The following ASNS variants were observed in gnomAD, a reference collection of about 807,000 sequenced individuals.
The protein encoded by ASNS is asparagine synthetase [glutamine-hydrolyzing].
A neutral mutation model predicts 62.6 loss-of-function variants in ASNS; 37 were observed. That is an observed-to-expected ratio of 0.59 (90% CI 0.45 to 0.78). ASNS has a LOEUF of 0.78. Ranked by LOEUF, ASNS falls within the 30% of genes least tolerant of loss-of-function variation. ASNS has a pLI of 0.00. For synonymous variants in ASNS, 207 were observed against 237.9 expected (o/e 0.87, Z 1.19); for missense variants, 520 against 682.4 (o/e 0.76, Z 2.65).
rs768778373 is a variant in ASNS, at chr7:97,858,351, G to C, written c.830C>G (p.Ala277Gly). 7 of 1,614,094 alleles carry C rather than the reference G, an allele frequency of 4.3e-6. No homozygotes were observed. The highest frequency in any genetic ancestry group is 5.9e-6 in the Non-Finnish European group (7 of 1,180,028). Reference sequence around the variant, plus strand: ...TGTCTGGAGAGGATACTGTACTTGGGCTTCTTTCAGCTGCTTCAACAGAGT... The same window carrying C: ...TGTCTGGAGAGGATACTGTACTTGGCCTTCTTTCAGCTGCTTCAACAGAGT... ...AATLLKQLKE[A>G]QVQYPLQTFA... is the part of the protein sequence containing the mutation. Residue 277 changes from alanine to glycine, a missense_variant, in exon 7 of 13, where the codon GCC (alanine) becomes GGC (glycine). Coordinates refer to ENST00000394308, the MANE Select transcript of ASNS (RefSeq NM_001673.5).
At chr7:97,904,345 G>T in the ASNS span, among the ~76,000 whole-genome samples, 1 of 148,536 alleles carries the variant, frequency 6.7e-6, no homozygotes, top group Admixed American at 6.8e-5. Context: ...ACCATGATTG[G>T]TCAGAATAGG....
chr7:97,885,968 C>T, the ASNS span: 39 of 595,298 alleles, frequency 6.6e-5, no homozygotes, highest in East Asian at 8.2e-4. Flanking sequence ...GGAATGAGGC[C>T]GCCCATGGGA....
chr7:97,864,240 T>C lies in ASNS; in HGVS notation c.487+19A>G, dbSNP rs541195399. 11 of 1,581,592 alleles carry C rather than the reference T, an allele frequency of 7.0e-6. No individual in the cohort carries two copies. The highest frequency in any genetic ancestry group is 3.5e-5 in the Admixed American group (2 of 56,622). On this transcript the variant is annotated intron_variant, in intron 4 of 12. Coordinates refer to ENST00000394308, the MANE Select transcript of ASNS (RefSeq NM_001673.5). The stretch of plus-strand genomic sequence containing the variant: ...CAACCAAGACAATAATGAAAATCTA[T>C]AGAAAAATTTATTATTACCTTTAGC...
chr7:97,864,937 A>G (rs1791895125), intron 3 of ASNS, among the ~76,000 whole-genome samples: 2 of 152,346 alleles, frequency 1.3e-5, no homozygotes, highest in South Asian at 4.1e-4. Context: ...ACCCAAGTCT[A>G]AACATGAACT....
the ASNS span, among the ~76,000 whole-genome samples, chr7:97,923,192 T>C: frequency 6.6e-6 from 1 of 151,588 alleles, no homozygotes; most frequent in African/African-American, 2.4e-5. Context: ...GTCTCCTTAC[T>C]CATCCACAAT....
intron 12 of ASNS, among the ~76,000 whole-genome samples, 171 bp from the exon 13 acceptor site, chr7:97,852,639 C>A (rs1371590466): frequency 6.6e-6 from 1 of 152,162 alleles, no homozygotes. Context: ...TGGATAGCTG[C>A]AGTGCCTTTT....
the ASNS span, among the ~76,000 whole-genome samples, chr7:97,884,982 T>C: frequency 2.0e-5 from 3 of 152,208 alleles, no homozygotes; most frequent in Non-Finnish European, 4.4e-5. Flanking sequence ...CACTGCAACC[T>C]CCGCCTCCCG....
At chr7:97,909,536 C>T in the ASNS span, among the ~76,000 whole-genome samples, 2 of 151,584 alleles carry the variant, frequency 1.3e-5, no homozygotes, top group African/African-American at 2.4e-5. Flanking sequence ...CTCAAACTCT[C>T]GGCCTCAAGT....
At chr7:97,922,286 A>C in the ASNS span, among the ~76,000 whole-genome samples, 1 of 152,140 alleles carries the variant, frequency 6.6e-6, no homozygotes, top group Non-Finnish European at 1.5e-5. Flanking sequence ...GGATTGATTG[A>C]GCTTGGGAAG....
chr7:97,861,631 T>C (rs1304296683), intron 4 of ASNS, among the ~76,000 whole-genome samples: 1 of 152,210 alleles, frequency 6.6e-6, no homozygotes. Flanking sequence ...TTTCAAAAGA[T>C]TGTTTTGGCT....
At chr7:97,907,656 C>A in the ASNS span, among the ~76,000 whole-genome samples, 1 of 151,864 alleles carries the variant, frequency 6.6e-6, no homozygotes, top group Non-Finnish European at 1.5e-5. Context: ...GTAGTCCCAG[C>A]TACTCGGGAG....
At chr7:97,912,151 A>C in the ASNS span, among the ~76,000 whole-genome samples, 1 of 152,176 alleles carries the variant, frequency 6.6e-6, no homozygotes, top group Non-Finnish European at 1.5e-5. Flanking sequence ...AAGCTCAGAG[A>C]GGTAAACCTG....
the ASNS span, among the ~76,000 whole-genome samples, chr7:97,892,538 C>T: frequency 6.6e-6 from 1 of 152,012 alleles, no homozygotes; most frequent in Non-Finnish European, 1.5e-5. Context: ...AACTGAAGGC[C>T]TTTAACAGCA....
the ASNS span, chr7:97,886,178 T>C: frequency 2.5e-5 from 7 of 276,104 alleles, no homozygotes; most frequent in Non-Finnish European, 4.3e-5. Context: ...GACAGCGTCT[T>C]CCTCTGTCGC....
chr7:97,909,172 G>A, the ASNS span, among the ~76,000 whole-genome samples: 1 of 152,084 alleles, frequency 6.6e-6, no homozygotes, highest in Non-Finnish European at 1.5e-5. Flanking sequence ...GGTTGAGTTA[G>A]TAGAAACTGA....
chr7:97,868,798 CAT>C (rs1309431133), intron 3 of ASNS, 108 bp downstream of exon 3: 11 of 1,473,786 alleles, frequency 7.5e-6, no homozygotes, highest in African/African-American at 2.8e-5. Context: ...AGATAACGAA[CAT>C]AGAGTGCTTT....
chr7:97,887,963 G>T, the ASNS span, among the ~76,000 whole-genome samples: 1 of 152,020 alleles, frequency 6.6e-6, no homozygotes, highest in Non-Finnish European at 1.5e-5. Flanking sequence ...TCTCCAACCC[G>T]CCCCAACCAA....
At chr7:97,881,334 G>T in the ASNS span, among the ~76,000 whole-genome samples, 104 of 151,632 alleles carry the variant, frequency 6.9e-4, no homozygotes, top group Middle Eastern at 3.4e-3. Context: ...ACAATGTTAA[G>T]CAATCATCAT....
chr7:97,894,589 T>C, the ASNS span, among the ~76,000 whole-genome samples: 54 of 151,212 alleles, frequency 3.6e-4, no homozygotes, highest in African/African-American at 1.2e-3. Context: ...GAGGCTATTA[T>C]GAACAACCAT....
Sources: allele counts gnomAD v4.1 joint callset (sites outside exome capture counted in the v4.1 genomes callset), GRCh38; gene constraint gnomAD v4.1.1; transcripts MANE v1.5; gene names NCBI Gene and HGNC (gene_info 2026-07-23, HGNC 2026-07-21).